IPMK: variants seen among roughly 807,000 people sequenced by gnomAD.
IPMK encodes the protein inositol 1,3,4,6-tetrakisphosphate 5-kinase.
IPMK carries 17 observed loss-of-function variants against 45.8 expected under a neutral mutation model. The observed-to-expected ratio is 0.37, with a 90% CI of 0.25 to 0.56. The LOEUF is 0.56. IPMK is among the 20% of genes least tolerant of loss of function. The pLI, the probability that IPMK is intolerant of heterozygous loss-of-function variation, is 0.79. For missense variants in IPMK, 399 were observed against 498.0 expected (o/e 0.80, Z 1.89); for synonymous variants, 180 against 184.3 (o/e 0.98, Z 0.19).
chr10:58,247,119 C>A (rs995867069), intron 1 of IPMK, among the ~76,000 whole-genome samples: 7 of 149,010 alleles, frequency 4.7e-5, no homozygotes, highest in African/African-American at 1.8e-4. Context: ...CATTTCACAC[C>A]AGTTAGAATG....
intron 1 of IPMK, among the ~76,000 whole-genome samples, chr10:58,254,547 CT>C (rs1329483967): frequency 1.3e-5 from 2 of 152,162 alleles, no homozygotes; most frequent in Non-Finnish European, 2.9e-5. Flanking sequence ...TTCAATTCTT[CT>C]AGTTCATTAT....
intron 1 of IPMK, among the ~76,000 whole-genome samples, chr10:58,262,386 A>T (rs1839086234): frequency 6.6e-6 from 1 of 152,218 alleles, no homozygotes; most frequent in South Asian, 2.1e-4. Flanking sequence ...TTCTTACTAC[A>T]GAAGAAGGGA....
intron 3 of IPMK, among the ~76,000 whole-genome samples, chr10:58,217,853 T>C (rs967611971): frequency 4.6e-5 from 7 of 152,082 alleles, no homozygotes; most frequent in African/African-American, 1.7e-4. Context: ...TTTCTCTGAA[T>C]TAAATAAAAG....
At chr10:58,255,381 G>A (rs547132799) in intron 1 of IPMK, among the ~76,000 whole-genome samples, 6 of 152,148 alleles carry the variant, frequency 3.9e-5, no homozygotes, top group South Asian at 2.1e-4. Flanking sequence ...CAGAAACCAC[G>A]GGTCTAGGGA....
Position 58,237,832 on chromosome 10 carries a change from G to A in IPMK, c.191-18C>T. On this transcript the variant is annotated intron_variant, in intron 1 of 5. Transcript: ENST00000373935. Reference sequence around the variant, plus strand: ...CAGTATACCTATGGAACAAAAATCAGAAATTGTTTAATGCTTTAATAATAG... The same window carrying A: ...CAGTATACCTATGGAACAAAAATCAAAAATTGTTTAATGCTTTAATAATAG... The A allele has an allele frequency of 6.3e-7, 1 of 1,578,626 alleles. No individual in the cohort carries two copies. Among genetic ancestry groups the A allele is most frequent in the Non-Finnish European group, 8.7e-7 (1 of 1,147,716 alleles).
chr10:58,264,904 A>G (rs1839127153), intron 1 of IPMK, among the ~76,000 whole-genome samples: 1 of 152,184 alleles, frequency 6.6e-6, no homozygotes, highest in Admixed American at 6.5e-5. Context: ...TGTGCCCAGA[A>G]ACAAAGGCCT....
intron 1 of IPMK, among the ~76,000 whole-genome samples, chr10:58,247,054 A>C (rs1274642227): frequency 6.6e-6 from 1 of 151,064 alleles, no homozygotes; most frequent in Non-Finnish European, 1.5e-5. Flanking sequence ...ACATGAAAAA[A>C]TGCTCACCAT....
Position 58,195,489 on chromosome 10 carries a change from A to G in IPMK, c.*587T>C, listed in dbSNP as rs2132139563. Reference sequence around the variant, plus strand: ...ATTTTGAGAGAGAGATGTAAAAATTAAAGAGAAAACCTGCTTTTGGAATGC... The same window carrying G: ...ATTTTGAGAGAGAGATGTAAAAATTGAAGAGAAAACCTGCTTTTGGAATGC... On this transcript the variant is annotated 3_prime_UTR_variant, in exon 6 of 6. Transcript: ENST00000373935. The G allele has an allele frequency of 1.3e-5, 2 of 152,242 alleles. No individual in the cohort carries two copies. The highest frequency in any genetic ancestry group is 6.8e-3 in the Middle Eastern group (2 of 294). 9.4% of individuals were successfully genotyped at this position (152,242 alleles called of 1,614,324 possible).
At chr10:58,247,089 T>C (rs939709497) in intron 1 of IPMK, among the ~76,000 whole-genome samples, 8 of 150,208 alleles carry the variant, frequency 5.3e-5, no homozygotes, top group African/African-American at 2.0e-4. Flanking sequence ...GAAATGCAAA[T>C]CAAAACCACA....
chr10:58,228,212 G>A (rs1056867071), intron 2 of IPMK, among the ~76,000 whole-genome samples: 6 of 152,188 alleles, frequency 3.9e-5, no homozygotes, highest in African/African-American at 9.6e-5. Flanking sequence ...ATTACAAGAC[G>A]GAGGAATGAA....
At chr10:58,224,079 T>C (rs1387489658) in intron 3 of IPMK, among the ~76,000 whole-genome samples, 2 of 152,130 alleles carry the variant, frequency 1.3e-5, no homozygotes, top group African/African-American at 4.8e-5. Flanking sequence ...CTGAGAACAA[T>C]ACAAGTTGAA....
At chr10:58,228,239 T>C (rs1474944972) in intron 2 of IPMK, among the ~76,000 whole-genome samples, 2 of 152,206 alleles carry the variant, frequency 1.3e-5, no homozygotes, top group East Asian at 3.8e-4. Flanking sequence ...CTCTGTGTAC[T>C]GATCTAAAGA....
chr10:58,260,678 T>C (rs1385662717), intron 1 of IPMK, among the ~76,000 whole-genome samples: 1 of 152,062 alleles, frequency 6.6e-6, no homozygotes, highest in East Asian at 1.9e-4. Flanking sequence ...CTTAAGGCAG[T>C]ACAATTTACA....
chr10:58,210,781 C>T (rs374666435), intron 4 of IPMK, among the ~76,000 whole-genome samples: 7 of 152,216 alleles, frequency 4.6e-5, no homozygotes, highest in African/African-American at 1.4e-4. Context: ...TCCCCCCTCA[C>T]ACTTTGGGAA....
At chr10:58,245,739 G>C (rs1348278693) in intron 1 of IPMK, among the ~76,000 whole-genome samples, 3 of 151,426 alleles carry the variant, frequency 2.0e-5, no homozygotes, top group African/African-American at 7.3e-5. Flanking sequence ...TTTGAAAACT[G>C]GCACAAGACA....
At chr10:58,257,796 A>G (rs1006352201) in intron 1 of IPMK, among the ~76,000 whole-genome samples, 1 of 152,218 alleles carries the variant, frequency 6.6e-6, no homozygotes, top group South Asian at 2.1e-4. Context: ...ACTACATAGT[A>G]TTAGAGACAG....
At chr10:58,264,848 GATTT>G (rs1226158028) in intron 1 of IPMK, among the ~76,000 whole-genome samples, 5 of 152,240 alleles carry the variant, frequency 3.3e-5, no homozygotes, top group African/African-American at 1.2e-4. Flanking sequence ...GTTGCTGATA[GATTT>G]ATTTGTATAA....
intron 1 of IPMK, among the ~76,000 whole-genome samples, chr10:58,252,434 CTGTTTTT>C (rs1564539895): frequency 2.8e-5 from 3 of 105,756 alleles, no homozygotes; most frequent in African/African-American, 1.5e-4. Context: ...CTGAATTTGA[CTGTTTTT>C]TTTTTTTTTT....
chr10:58,258,591 C>T (rs750065090), intron 1 of IPMK, among the ~76,000 whole-genome samples: 3 of 152,070 alleles, frequency 2.0e-5, no homozygotes, highest in African/African-American at 4.8e-5. Context: ...ACCAAATAGT[C>T]GGAAAGTAAA....
Sources: allele counts gnomAD v4.1 joint callset (sites outside exome capture counted in the v4.1 genomes callset), GRCh38; gene constraint gnomAD v4.1.1; transcripts MANE v1.5; gene names NCBI Gene and HGNC (gene_info 2026-07-23, HGNC 2026-07-21).